OTOGL: variants seen among roughly 807,000 people sequenced by gnomAD.
The protein encoded by OTOGL is otogelin-like protein.
A neutral mutation model predicts 318.5 loss-of-function variants in OTOGL; 285 were observed. The ratio of observed to expected loss-of-function variants is 0.89; its 90% CI spans 0.81 to 0.99. OTOGL has a LOEUF of 0.99. Among genes scored for constraint, OTOGL ranks in the 50% least tolerant of loss-of-function variants. The pLI, the probability that OTOGL is intolerant of heterozygous loss-of-function variation, is 0.00. For synonymous variants in OTOGL, 987 were observed against 936.5 expected (o/e 1.05, Z -0.99); for missense variants, 2,899 against 2,845.6 (o/e 1.02, Z -0.43).
intron 6 of OTOGL, among the ~76,000 whole-genome samples, chr12:80,220,539 TCTTTTGGAC>T (rs60456436): frequency 0.31 from 46,182 of 151,272 alleles, 7,851 homozygotes; most frequent in East Asian, 0.47. Flanking sequence ...AGCCAGTCAT[TCTTTTGGAC>T]CTTTAATTAA....
chr12:80,312,099 A>G (rs1886670799), intron 30 of OTOGL, among the ~76,000 whole-genome samples: 1 of 152,248 alleles, frequency 6.6e-6, no homozygotes, highest in South Asian at 2.1e-4. Context: ...TCACATTGCA[A>G]AGAACTTTTT....
intron 1 of OTOGL, among the ~76,000 whole-genome samples, chr12:80,125,172 G>T (rs1327982943): frequency 6.6e-6 from 1 of 152,154 alleles, no homozygotes; most frequent in African/African-American, 2.4e-5. Context: ...TTGGCTGTGG[G>T]TTTGTCATAG....
intron 21 of OTOGL, 77 bp from the exon 22 acceptor site, chr12:80,267,176 G>A: frequency 1.2e-6 from 1 of 838,574 alleles, no homozygotes. Flanking sequence ...GACCAATGGA[G>A]AGCACAAGGT....
chr12:80,254,624 G>A, intron 15 of OTOGL, 54 bp downstream of exon 15: 2 of 1,384,952 alleles, frequency 1.4e-6, no homozygotes, highest in Non-Finnish European at 2.0e-6. Context: ...TTAGACTGGG[G>A]AGAAAGATAG....
At position 80,266,559 on chromosome 12, in the gene OTOGL, G is replaced by C. The variant is rs766966050; in HGVS notation, c.2333G>C (p.Gly778Ala). 1 of 1,613,512 alleles carries C rather than the reference G, an allele frequency of 6.2e-7. No homozygotes were observed. The highest frequency in any genetic ancestry group is 8.5e-7 in the Non-Finnish European group (1 of 1,179,736). ...PEQCSDDCAE[G>A]CNCPEGKFYE... is the part of the protein sequence containing the mutation. ...CAGTGCAGTGATGACTGTGCTGAAG[G>C]CTGTAATTGTCCGGAAGGCAAATTC... The change falls in exon 21 of 59, where the codon GGC becomes GCC. Residue 778 changes from glycine to alanine, a missense_variant. Physicochemically the swap from Gly to Ala is moderately conservative, Grantham distance 60. This residue lies in a region of OTOGL where 2,607 missense variants were observed against 2,524.9 expected (regional missense o/e 1.03). Coordinates refer to ENST00000547103, the MANE Select transcript of OTOGL (RefSeq NM_001378609.3).
At chr12:80,113,165 TG>T (rs759161897) in intron 1 of OTOGL, among the ~76,000 whole-genome samples, 8 of 152,104 alleles carry the variant, frequency 5.3e-5, no homozygotes, top group Non-Finnish European at 1.0e-4. Context: ...GTCTGGCTAG[TG>T]GTCTATGTAT....
At chr12:80,376,430 G>A (rs1251536784) in intron 57 of OTOGL, among the ~76,000 whole-genome samples, 1 of 152,054 alleles carries the variant, frequency 6.6e-6, no homozygotes, top group African/African-American at 2.4e-5. Context: ...TTGATTCAGG[G>A]ATTACATCCA....
chr12:80,179,012 A>G (rs1030854476), intron 1 of OTOGL, among the ~76,000 whole-genome samples: 1 of 152,174 alleles, frequency 6.6e-6, no homozygotes, highest in Admixed American at 6.5e-5. Context: ...GAAGCTTTCT[A>G]AGAAGAGTAA....
At chr12:80,315,391 G>T (rs1454594032) in intron 32 of OTOGL, among the ~76,000 whole-genome samples, 1 of 152,180 alleles carries the variant, frequency 6.6e-6, no homozygotes, top group East Asian at 1.9e-4. Flanking sequence ...AGGTGCTGCT[G>T]TCTAAAACTA....
rs1006592883 is a variant in OTOGL, at chr12:80,113,245, A to G, written c.-20+13640A>G. The stretch of plus-strand genomic sequence containing the variant: ...TTTTTTGAAGGGTTTTCATGTCTCT[A>G]TCTCCTTCAGTTCTGCTCTGATTTT... On this transcript the variant is annotated intron_variant, in intron 1 of 58. Transcript: ENST00000547103. Among the ~76,000 whole-genome samples, 4 of 151,828 alleles carry G rather than the reference A, an allele frequency of 2.6e-5. No homozygotes were observed. The East Asian group carries it at 7.7e-4, about 29-fold the overall frequency.
At chr12:80,156,773 A>G (rs1873150107) in intron 1 of OTOGL, among the ~76,000 whole-genome samples, 1 of 152,142 alleles carries the variant, frequency 6.6e-6, no homozygotes. Flanking sequence ...TAAGTCCAAT[A>G]AACCTCTTTT....
chr12:80,358,121 T>C (rs1890019495), intron 49 of OTOGL, 127 bp from the exon 50 acceptor site: 2 of 673,494 alleles, frequency 3.0e-6, no homozygotes, highest in South Asian at 1.9e-5. Flanking sequence ...TAAGGAAATA[T>C]ACCTCATGTT....
chr12:80,181,203 T>G (rs1190096816), intron 1 of OTOGL, among the ~76,000 whole-genome samples: 1 of 152,216 alleles, frequency 6.6e-6, no homozygotes, highest in East Asian at 1.9e-4. Context: ...CATACTTTTT[T>G]TTATTTATTG....
At chr12:80,366,228 C>G in intron 52 of OTOGL, 2 of 349,200 alleles carry the variant, frequency 5.7e-6, no homozygotes, top group Non-Finnish European at 1.2e-5. Context: ...CTATTAACCA[C>G]TGTACTATAC....
At chr12:80,143,673 T>C (rs1872104187) in intron 1 of OTOGL, among the ~76,000 whole-genome samples, 2 of 152,134 alleles carry the variant, frequency 1.3e-5, no homozygotes, top group Admixed American at 1.3e-4. Context: ...GGTGTTTGTT[T>C]TGGAGCAGAA....
intron 45 of OTOGL, 27 bp from the exon 46 acceptor site, chr12:80,353,298 G>A (rs1234883478): frequency 3.0e-6 from 4 of 1,326,786 alleles, no homozygotes; most frequent in Admixed American, 3.2e-5. Flanking sequence ...TTTATCATTA[G>A]CAAATTTTGT....
intron 8 of OTOGL, among the ~76,000 whole-genome samples, chr12:80,230,654 T>C (rs1325531019): frequency 6.6e-6 from 1 of 152,208 alleles, no homozygotes; most frequent in Non-Finnish European, 1.5e-5. Flanking sequence ...AAGGGTGGTC[T>C]TCTTATTCAG....
rs573537760 is a variant in OTOGL, at chr12:80,190,161, G to A, written c.-19-19252G>A. 2.6e-5 allele frequency among the ~76,000 whole-genome samples: 4 copies of A among 152,258 alleles called. No individual in the cohort carries two copies. In the South Asian group the frequency reaches 6.2e-4, roughly 24 times the overall value. On this transcript the variant is annotated intron_variant, in intron 1 of 58. Transcript: ENST00000547103. ...AAATTGTATTTGGATGTGACTTTTA[G>A]GCTGCTTTATGCATGCTTATCACTG...
intron 1 of OTOGL, among the ~76,000 whole-genome samples, chr12:80,203,150 C>T (rs1399933673): frequency 6.6e-6 from 1 of 152,072 alleles, no homozygotes; most frequent in Non-Finnish European, 1.5e-5. Flanking sequence ...TAGCTTAAAA[C>T]AATGGAAAAT....
Sources: allele counts gnomAD v4.1 joint callset (sites outside exome capture counted in the v4.1 genomes callset), GRCh38; gene constraint gnomAD v4.1.1; regional missense constraint gnomAD v4.1.1; transcripts MANE v1.5; gene names NCBI Gene and HGNC (gene_info 2026-07-23, HGNC 2026-07-21).